Variants in NFATC3 observed in about 807,000 individuals in gnomAD.
The protein encoded by NFATC3 is nuclear factor of activated T cells 3.
In NFATC3, 46 loss-of-function variants were observed where a neutral mutation model predicts 98.6. That is an observed-to-expected ratio of 0.47 (90% CI 0.37 to 0.60). The LOEUF (loss-of-function observed/expected upper bound fraction) is 0.60. NFATC3 is among the 20% of genes least tolerant of loss of function. The probability of loss-of-function intolerance (pLI) is 0.00; values close to 1 mark genes in which losing one functional copy is unlikely to be tolerated. For missense variants in NFATC3, 1,256 were observed against 1,295.5 expected (o/e 0.97, Z 0.47); for synonymous variants, 512 against 472.2 (o/e 1.08, Z -1.09).
chr16:68,182,607 G>A (rs999392530), intron 7 of NFATC3, among the ~76,000 whole-genome samples: 1 of 125,038 alleles, frequency 8.0e-6, no homozygotes, highest in African/African-American at 3.0e-5. Context: ...TGCAGCCTCT[G>A]CCTCCCGGGT....
chr16:68,171,816 C>G (rs1299300386), intron 5 of NFATC3, among the ~76,000 whole-genome samples: 1 of 151,040 alleles, frequency 6.6e-6, no homozygotes, highest in East Asian at 1.9e-4. Flanking sequence ...ATGATGGAGT[C>G]TCGCTGTTTC....
chr16:68,085,899 T>C (rs1047839685), intron 1 of NFATC3, 115 bp downstream of exon 1: 50 of 720,426 alleles, frequency 6.9e-5, no homozygotes, highest in Admixed American at 8.7e-5. Context: ...TGTGTGTGTG[T>C]GCGCGCGCGT....
chr16:68,165,776 G>T (rs2039164962), intron 4 of NFATC3, among the ~76,000 whole-genome samples: 2 of 152,150 alleles, frequency 1.3e-5, no homozygotes, highest in African/African-American at 4.8e-5. Context: ...TAAGCATTAG[G>T]GTTGGAACTG....
chr16:68,218,546 A>AT (rs1700095554), intron 9 of NFATC3, among the ~76,000 whole-genome samples: 1 of 137,568 alleles, frequency 7.3e-6, no homozygotes, highest in Admixed American at 7.2e-5. Context: ...TGAATTCAGT[A>AT]TTTTTTCCTG....
At chr16:68,175,147 G>A (rs1292080483) in intron 6 of NFATC3, among the ~76,000 whole-genome samples, 1 of 152,188 alleles carries the variant, frequency 6.6e-6, no homozygotes, top group Non-Finnish European at 1.5e-5. Context: ...CTGAAAATAG[G>A]CTAAGTGAAG....
chr16:68,169,029 C>G (rs2039342976), intron 5 of NFATC3, among the ~76,000 whole-genome samples: 1 of 152,166 alleles, frequency 6.6e-6, no homozygotes, highest in African/African-American at 2.4e-5. Context: ...AAGTGATCCT[C>G]CCATCTCAGC....
intron 5 of NFATC3, among the ~76,000 whole-genome samples, chr16:68,170,329 G>C (rs1482573753): frequency 1.4e-5 from 2 of 147,274 alleles, no homozygotes; most frequent in African/African-American, 5.0e-5. Flanking sequence ...AGGCTGGGTT[G>C]CAGTGAGCCG....
intron 6 of NFATC3, 65 bp downstream of exon 6, chr16:68,174,579 T>C: frequency 7.7e-7 from 1 of 1,294,660 alleles, no homozygotes; most frequent in Admixed American, 2.9e-5. Context: ...ATTATTTAGA[T>C]GTTTCTGTAA....
intron 3 of NFATC3, among the ~76,000 whole-genome samples, chr16:68,153,499 A>C (rs2038449950): frequency 6.6e-6 from 1 of 152,232 alleles, no homozygotes; most frequent in African/African-American, 2.4e-5. Flanking sequence ...AAGCATATAC[A>C]TCTTATGTAG....
At chr16:68,174,997 A>T (rs1206694850) in intron 6 of NFATC3, among the ~76,000 whole-genome samples, 3 of 152,260 alleles carry the variant, frequency 2.0e-5, no homozygotes, top group Non-Finnish European at 4.4e-5. Flanking sequence ...CTTTATTTAT[A>T]ATTGCCAAAA....
intron 5 of NFATC3, among the ~76,000 whole-genome samples, chr16:68,167,701 T>A (rs2039259908): frequency 6.6e-6 from 1 of 151,848 alleles, no homozygotes. Flanking sequence ...TCTCTAGTAC[T>A]CATTCAAGGT....
chr16:68,113,402 C>G (rs368271040), intron 1 of NFATC3, among the ~76,000 whole-genome samples: 121 of 152,318 alleles, frequency 7.9e-4, no homozygotes, highest in African/African-American at 2.5e-3. Context: ...TCATCTACCC[C>G]CTCCTGCACC....
intron 1 of NFATC3, among the ~76,000 whole-genome samples, chr16:68,111,203 G>C (rs180998049): frequency 6.6e-6 from 1 of 152,326 alleles, no homozygotes; most frequent in Admixed American, 6.5e-5. Flanking sequence ...TCGATGATCT[G>C]TCTGATATTG....
At chr16:68,091,484 A>G (rs1373453032) in intron 1 of NFATC3, among the ~76,000 whole-genome samples, 1 of 152,226 alleles carries the variant, frequency 6.6e-6, no homozygotes, top group Non-Finnish European at 1.5e-5. Context: ...ATGTAGTATT[A>G]CTTTTTCTTC....
At chr16:68,210,312 A>G (rs1434569138) in intron 9 of NFATC3, among the ~76,000 whole-genome samples, 5 of 138,454 alleles carry the variant, frequency 3.6e-5, no homozygotes, top group Non-Finnish European at 4.7e-5. Flanking sequence ...AAAAAAAAAG[A>G]AAAAAAAAAA....
intron 9 of NFATC3, among the ~76,000 whole-genome samples, chr16:68,223,769 C>A (rs1388913740): frequency 6.6e-6 from 1 of 151,462 alleles, no homozygotes; most frequent in Non-Finnish European, 1.5e-5. Flanking sequence ...ATGGCGGGCA[C>A]CTGTAATCCT....
At chr16:68,190,590 C>CAT (rs1039033317) in intron 8 of NFATC3, among the ~76,000 whole-genome samples, 178 bp from the exon 9 acceptor site, 5 of 152,058 alleles carry the variant, frequency 3.3e-5, no homozygotes, top group South Asian at 2.1e-4. Flanking sequence ...TATGTGTATA[C>CAT]ATATATATAT....
intron 3 of NFATC3, among the ~76,000 whole-genome samples, chr16:68,133,733 A>G (rs918342930): frequency 3.9e-5 from 6 of 152,150 alleles, no homozygotes; most frequent in Non-Finnish European, 8.8e-5. Context: ...TGTGGGATTC[A>G]TCAAATTTTT....
chr16:68,103,391 G>A (rs1267227089), intron 1 of NFATC3, among the ~76,000 whole-genome samples: 1 of 151,856 alleles, frequency 6.6e-6, no homozygotes, highest in Admixed American at 6.6e-5. Context: ...GTATTATTTT[G>A]TGGAGATGAG....
Sources: allele counts gnomAD v4.1 joint callset (sites outside exome capture counted in the v4.1 genomes callset), GRCh38; gene constraint gnomAD v4.1.1; transcripts MANE v1.5; gene names NCBI Gene and HGNC (gene_info 2026-07-23, HGNC 2026-07-21).